Variants in HDLBP observed in about 807,000 individuals in gnomAD.
HDLBP encodes the protein vigilin.
In HDLBP, 30 loss-of-function variants were observed where a neutral mutation model predicts 137.3. The observed-to-expected ratio is 0.22, with a 90% CI of 0.16 to 0.30. The LOEUF (loss-of-function observed/expected upper bound fraction) is 0.30, where lower values mean the gene tolerates loss of function less well. Among genes scored for constraint, HDLBP ranks in the 10% least tolerant of loss-of-function variants. HDLBP has a pLI of 1.00. For missense variants in HDLBP, 1,119 were observed against 1,667.3 expected, an observed-to-expected ratio of 0.67 and a Z score of 5.73; for synonymous variants, 606 against 596.0, an observed-to-expected ratio of 1.02 and a Z score of -0.24.
At chr2:241,262,371 G>A (rs1197228435) in intron 5 of HDLBP, among the ~76,000 whole-genome samples, 1 of 152,098 alleles carries the variant, frequency 6.6e-6, no homozygotes, top group Non-Finnish European at 1.5e-5. Context: ...CTGAGCCCAG[G>A]AGTTTGAGGC....
At chr2:241,270,879 A>G (rs2073990828) in intron 1 of HDLBP, 2 of 725,498 alleles carry the variant, frequency 2.8e-6, no homozygotes, top group Non-Finnish European at 3.4e-6. Context: ...AGAGGCTAAC[A>G]TCGGGTATCT....
intron 2 of HDLBP, chr2:241,267,844 G>A: frequency 2.8e-6 from 4 of 1,434,842 alleles, no homozygotes; most frequent in Non-Finnish European, 3.7e-6. Context: ...TCGCACAGCA[G>A]GGGAAACCTG....
At chr2:241,277,811 A>G (rs915004051) in intron 1 of HDLBP, among the ~76,000 whole-genome samples, 2 of 152,098 alleles carry the variant, frequency 1.3e-5, no homozygotes, top group African/African-American at 4.8e-5. Context: ...AAAATGCAAA[A>G]TTAGTTGGGC....
At chr2:241,235,891 T>C (rs927690426) in intron 21 of HDLBP, among the ~76,000 whole-genome samples, 4 of 152,120 alleles carry the variant, frequency 2.6e-5, no homozygotes, top group Non-Finnish European at 5.9e-5. Flanking sequence ...TGGCACATCC[T>C]CGGGGTCATG....
chr2:241,256,458 C>CA, intron 6 of HDLBP, 59 bp from the exon 7 acceptor site: 1 of 1,528,626 alleles, frequency 6.5e-7, no homozygotes, highest in Non-Finnish European at 8.9e-7. Flanking sequence ...TGGGGACAGA[C>CA]AGGGCTTTTT....
intron 1 of HDLBP, among the ~76,000 whole-genome samples, chr2:241,279,595 G>C (rs891627142): frequency 1.3e-5 from 2 of 152,182 alleles, no homozygotes; most frequent in Non-Finnish European, 2.9e-5. Context: ...GCCTGCCTCA[G>C]ATGTGGTCGT....
chr2:241,231,999 G>A (rs2069822011), intron 24 of HDLBP, among the ~76,000 whole-genome samples: 1 of 152,134 alleles, frequency 6.6e-6, no homozygotes, highest in Admixed American at 6.5e-5. Flanking sequence ...GCCTGGAAAG[G>A]AAATGAGCAG....
At chr2:241,283,696 G>T (rs936609132) in intron 1 of HDLBP, among the ~76,000 whole-genome samples, 1 of 151,982 alleles carries the variant, frequency 6.6e-6, no homozygotes, top group African/African-American at 2.4e-5. Flanking sequence ...GGATGGTCTC[G>T]ATCTCCTGAC....
At chr2:241,290,757 TAA>T (rs2074989402) in intron 1 of HDLBP, among the ~76,000 whole-genome samples, 1 of 152,186 alleles carries the variant, frequency 6.6e-6, no homozygotes, top group Non-Finnish European at 1.5e-5. Context: ...TATACCTCAA[TAA>T]AAAGTCTACT....
At chr2:241,304,243 C>T (rs1482986205) in intron 1 of HDLBP, among the ~76,000 whole-genome samples, 1 of 152,214 alleles carries the variant, frequency 6.6e-6, no homozygotes, top group Admixed American at 6.5e-5. Flanking sequence ...GGGATCCAAA[C>T]CAAGTAAAAG....
At chr2:241,258,915 C>T (rs757183297) in intron 5 of HDLBP, among the ~76,000 whole-genome samples, 7 of 152,162 alleles carry the variant, frequency 4.6e-5, no homozygotes, top group Non-Finnish European at 1.0e-4. Context: ...ATTTAGCATC[C>T]GATGGCCCGA....
intron 10 of HDLBP, 178 bp downstream of exon 10, chr2:241,253,215 C>G (rs1029831854): frequency 3.0e-6 from 2 of 664,250 alleles, no homozygotes; most frequent in African/African-American, 1.8e-5. Flanking sequence ...CCTCCACCCA[C>G]GATTATTCCA....
chr2:241,267,023 TTTTA>T, intron 2 of HDLBP, 117 bp from the exon 3 acceptor site: 1 of 729,424 alleles, frequency 1.4e-6, no homozygotes, highest in Non-Finnish European at 2.3e-6. Flanking sequence ...AACTATACCT[TTTTA>T]TTTTCCTCAC....
chr2:241,253,367 A>G (rs1162606188), intron 10 of HDLBP, 26 bp downstream of exon 10: 2 of 1,477,604 alleles, frequency 1.4e-6, no homozygotes, highest in East Asian at 4.5e-5. Context: ...TCACCAGCAC[A>G]CACAACATTC....
At chr2:241,258,127 A>G (rs1004860394) in intron 5 of HDLBP, among the ~76,000 whole-genome samples, 1 of 151,944 alleles carries the variant, frequency 6.6e-6, no homozygotes, top group Non-Finnish European at 1.5e-5. Context: ...GGCCAGGCGC[A>G]GTGGCTCACG....
intron 1 of HDLBP, among the ~76,000 whole-genome samples, chr2:241,287,640 G>A (rs1037866647): frequency 2.6e-5 from 4 of 152,058 alleles, no homozygotes; most frequent in South Asian, 2.1e-4. Flanking sequence ...CCAGGTTGGT[G>A]TTGAACTCCT....
intron 9 of HDLBP, among the ~76,000 whole-genome samples, chr2:241,254,120 C>T (rs146849927): frequency 1.8e-3 from 267 of 152,130 alleles, no homozygotes; most frequent in Non-Finnish European, 3.3e-3. Flanking sequence ...TCTGCCTCCA[C>T]GAAAACTAGC....
At chr2:241,306,728 CA>C (rs955922029) in intron 1 of HDLBP, among the ~76,000 whole-genome samples, 19 of 151,534 alleles carry the variant, frequency 1.3e-4, no homozygotes, top group Admixed American at 1.3e-4. Flanking sequence ...GCCAACACGG[CA>C]AAACCCTATC....
intron 16 of HDLBP, among the ~76,000 whole-genome samples, chr2:241,244,930 T>C (rs970648448): frequency 7.2e-5 from 11 of 152,158 alleles, no homozygotes; most frequent in African/African-American, 2.7e-4. Context: ...GTGTAGTTTC[T>C]GTGTAAGATG....
Sources: allele counts gnomAD v4.1 joint callset (sites outside exome capture counted in the v4.1 genomes callset), GRCh38; gene constraint gnomAD v4.1.1; transcripts MANE v1.5; gene names NCBI Gene and HGNC (gene_info 2026-07-23, HGNC 2026-07-21).